Variants in FBXL18 observed in about 807,000 individuals in gnomAD.
FBXL18 encodes the protein F-box and leucine rich repeat protein 18.
Under a neutral mutation model 46.0 loss-of-function variants are expected in FBXL18, and 36 were observed. That is an observed-to-expected ratio of 0.78 (90% CI 0.60 to 1.03). The LOEUF (loss-of-function observed/expected upper bound fraction) is 1.03, where lower values mean the gene tolerates loss of function less well. Ranked by LOEUF, FBXL18 falls within the 50% of genes least tolerant of loss-of-function variation. FBXL18 has a pLI of 0.00. For missense variants in FBXL18, 977 were observed against 1,004.1 expected (o/e 0.97, Z 0.36); for synonymous variants, 557 against 465.3 (o/e 1.20, Z -2.54).
At position 5,477,233 on chromosome 7, in the gene FBXL18, G is replaced by A. The variant is rs1430982905; in HGVS notation, c.*4542C>T. On this transcript the variant is annotated 3_prime_UTR_variant, in exon 5 of 5. Coordinates refer to ENST00000382368, the MANE Select transcript of FBXL18 (RefSeq NM_024963.6). This position sits in a 1 kb window ranked among gnomAD's most constrained non-coding sequence, Gnocchi z 4.4. ...GAATCCCACACCCCCAAGTGCAAAT[G>A]AGACCCATGACCATCACAAAGACCC... Among the ~76,000 whole-genome samples the A allele has an allele frequency of 6.6e-6, 1 of 152,120 alleles. No homozygotes were observed. The highest frequency in any genetic ancestry group is 1.9e-4 in the East Asian group (1 of 5,196).
downstream of FBXL18, among the ~76,000 whole-genome samples, chr7:5,471,107 G>A (rs373089377): frequency 1.1e-4 from 16 of 152,330 alleles, no homozygotes; most frequent in East Asian, 5.8e-4. Context: ...CAAGGGTCAC[G>A]GCAAACCATG....
At position 5,463,706 on chromosome 7, in the gene FBXL18, T is replaced by TATATATATATA. The variant is rs374634728; in HGVS notation, c.2001-15864_2001-15863insTATATATATAT. On this transcript the variant is annotated intron_variant and NMD_transcript_variant, in intron 4 of 6. Transcript: ENST00000415009. The stretch of plus-strand genomic sequence containing the variant: ...TCATGCCCCTGAACTATATATATAT[T>TATATATATATA]TATTTATTTATTTATTTATTTATTT... 6.2e-3 allele frequency among the ~76,000 whole-genome samples: 370 copies of TATATATATATA among 59,392 alleles called. 7 individuals are homozygous for TATATATATATA. Among genetic ancestry groups the TATATATATATA allele is most frequent in the Non-Finnish European group, 7.3e-3 (239 of 32,882 alleles). The allele number at this position is 59,392 out of a possible 152,430, so 39.0% of individuals were successfully genotyped here.
At chr7:5,504,884 C>G (rs1784354291) in intron 2 of FBXL18, among the ~76,000 whole-genome samples, 1 of 123,400 alleles carries the variant, frequency 8.1e-6, no homozygotes, top group African/African-American at 3.1e-5. Context: ...CCACTGCACT[C>G]TAGCCTGGGC....
chr7:5,501,057 G>T lies in FBXL18; in HGVS notation c.1212C>A (p.His404Gln). ...HHHSSEGLGRHLCQLLARLRH... is the reference protein window; with the variant it reads ...HHHSSEGLGRQLCQLLARLRH... Reference sequence around the variant, plus strand: ...GCAGCCGGGCCAGGAGCTGGCAGAGGTGGCGGCCCAGGCCCTCCGAGCTGT... The same window carrying T: ...GCAGCCGGGCCAGGAGCTGGCAGAGTTGGCGGCCCAGGCCCTCCGAGCTGT... Residue 404 changes from histidine to glutamine, a missense_variant, in exon 3 of 5, where the codon CAC becomes CAA. Coordinates refer to ENST00000382368, the MANE Select transcript of FBXL18 (RefSeq NM_024963.6). 1.2e-6 allele frequency: 2 copies of T among 1,609,498 alleles called. No individual in the cohort carries two copies. The highest frequency in any genetic ancestry group is 2.2e-5 in the East Asian group (1 of 44,846).
At chr7:5,470,094 C>T (rs1783404805) in intron 4 of FBXL18, among the ~76,000 whole-genome samples, 1 of 152,110 alleles carries the variant, frequency 6.6e-6, no homozygotes, top group Admixed American at 6.5e-5. Flanking sequence ...GGGTGAGGGA[C>T]TGATGGAGCG....
rs561889592 is a variant in FBXL18, at chr7:5,493,568, T to C, written c.1782-2119A>G. Among the ~76,000 whole-genome samples, 29 of 152,214 alleles carry C rather than the reference T, an allele frequency of 1.9e-4. No homozygotes were observed. The East Asian group carries it at 4.3e-3, about 23-fold the overall frequency. ...CCTCAGCCTCCCAAAGTGCTGGGAT[T>C]ACAGGCGTGGGCCACTGCACCTGGC... On this transcript the variant is annotated intron_variant, in intron 3 of 4. Coordinates refer to ENST00000382368, the MANE Select transcript of FBXL18 (RefSeq NM_024963.6).
At chr7:5,506,595 G>A (rs1003008506) in intron 1 of FBXL18, among the ~76,000 whole-genome samples, 2 of 145,410 alleles carry the variant, frequency 1.4e-5, no homozygotes, top group Admixed American at 1.4e-4. Context: ...CTCACTCTGT[G>A]GCCCAGGCTG....
At chr7:5,486,065 AT>A (rs1311662647) in intron 4 of FBXL18, among the ~76,000 whole-genome samples, 689 of 19,008 alleles carry the variant, frequency 0.036, 3 homozygotes, top group African/African-American at 0.083. Context: ...TCTCAAAAAA[AT>A]AAATAAATAA....
intron 3 of FBXL18, among the ~76,000 whole-genome samples, chr7:5,498,351 G>T (rs2128236964): frequency 6.6e-6 from 1 of 152,300 alleles, no homozygotes; most frequent in East Asian, 1.9e-4. Context: ...CTCCCAAAGT[G>T]CTGGGATTAC....
At chr7:5,484,248 A>C (rs1350132670) in intron 4 of FBXL18, among the ~76,000 whole-genome samples, 1 of 152,142 alleles carries the variant, frequency 6.6e-6, no homozygotes, top group Non-Finnish European at 1.5e-5. Context: ...CGGGTGGATC[A>C]CGAGGTCAGG....
At position 5,481,956 on chromosome 7, in the gene FBXL18, G is replaced by A. The variant is rs199996344; in HGVS notation, c.2001-25C>T. 5.4e-4 allele frequency: 859 copies of A among 1,577,492 alleles called. 1 individual carries two copies. The highest frequency in any genetic ancestry group is 7.1e-4 in the Non-Finnish European group (825 of 1,160,804). ...GCTGAACCAGAGACAGGCGGTCAGCGGATTACATGGGTGGCCACGGAGGGG... is the reference window on the plus strand; with the variant it reads ...GCTGAACCAGAGACAGGCGGTCAGCAGATTACATGGGTGGCCACGGAGGGG... On this transcript the variant is annotated intron_variant, in intron 4 of 4. Transcript: ENST00000382368.
At chr7:5,465,065 C>T (rs1177270071) in intron 4 of FBXL18, among the ~76,000 whole-genome samples, 1 of 151,918 alleles carries the variant, frequency 6.6e-6, no homozygotes, top group African/African-American at 2.4e-5. Context: ...TCCATCTCAA[C>T]AAACAATACT....
intron 4 of FBXL18, among the ~76,000 whole-genome samples, chr7:5,486,905 C>G (rs1229794749): frequency 6.6e-6 from 1 of 152,254 alleles, no homozygotes; most frequent in African/African-American, 2.4e-5. Context: ...GGGCCAGGTC[C>G]TCCCTCTGGC....
intron 4 of FBXL18, among the ~76,000 whole-genome samples, chr7:5,484,002 A>C (rs1783711627): frequency 6.6e-6 from 1 of 152,190 alleles, no homozygotes; most frequent in African/African-American, 2.4e-5. Context: ...TCGGCAATAA[A>C]GACGCCATCA....
chr7:5,489,168 G>C (rs1172639392), intron 4 of FBXL18: 1 of 486,514 alleles, frequency 2.1e-6, no homozygotes, highest in East Asian at 5.7e-5. Flanking sequence ...AGAGCCGTGA[G>C]GACAGCACTG....
chr7:5,478,796 A>C lies in FBXL18; in HGVS notation c.*2979T>G, dbSNP rs997059882. On this transcript the variant is annotated 3_prime_UTR_variant, in exon 5 of 5. Transcript: ENST00000382368. Reference sequence around the variant, plus strand: ...TGTACACACAGGCACACGTGCACGCAGGCACACGCATGCAGGCACATGTGC... The same window carrying C: ...TGTACACACAGGCACACGTGCACGCCGGCACACGCATGCAGGCACATGTGC... 4 of 151,354 alleles carry C rather than the reference A, an allele frequency of 2.6e-5. No homozygotes were observed. The highest frequency in any genetic ancestry group is 9.7e-5 in the African/African-American group (4 of 41,122). The allele number at this position is 151,354 out of a possible 1,614,324, so 9.4% of individuals were successfully genotyped here. A position where few individuals can be genotyped will look rare whatever the true frequency, so the allele number is the denominator to read the frequency against.
rs1226226184 is a variant in FBXL18 at position 5,501,434 on chromosome 7, T to C, written c.835A>G (p.Thr279Ala). The C allele has an allele frequency of 2.5e-6, 4 of 1,613,286 alleles. No individual in the cohort carries two copies. The highest frequency in any genetic ancestry group is 3.4e-6 in the Non-Finnish European group (4 of 1,179,964). ...GCCATGGAGTCCAGGAGGTTCTTGG[T>C]GGCGCCGCTCTCCGCGAAGCTGCCA... is the stretch of plus-strand genomic sequence containing the variant. The part of the protein sequence containing the change: ...VPGSFAESGA[T>A]KNLLDSMARN... The change falls in exon 3 of 5, where the codon ACC becomes GCC. Residue 279 changes from threonine to alanine, a missense_variant. Transcript: ENST00000382368.
chr7:5,482,522 C>T (rs1407541542), intron 4 of FBXL18, among the ~76,000 whole-genome samples: 2 of 138,128 alleles, frequency 1.4e-5, no homozygotes, highest in African/African-American at 2.7e-5. Flanking sequence ...CACCCCCAGG[C>T]GACCAGCCCC....
chr7:5,454,929 T>C (rs1315401797), intron 4 of FBXL18, among the ~76,000 whole-genome samples: 2 of 152,190 alleles, frequency 1.3e-5, no homozygotes, highest in Non-Finnish European at 2.9e-5. Context: ...TTTCTATCTC[T>C]CGAATCCTAA....
Sources: allele counts gnomAD v4.1 joint callset (sites outside exome capture counted in the v4.1 genomes callset), GRCh38; gene constraint gnomAD v4.1.1; non-coding constraint Gnocchi (gnomAD v3.1); transcripts MANE v1.5; gene names NCBI Gene and HGNC (gene_info 2026-07-23, HGNC 2026-07-21).